REEP5: variants seen among roughly 807,000 people sequenced by gnomAD.
REEP5 encodes receptor accessory protein 5, also known as receptor expression-enhancing protein 5.
A neutral mutation model predicts 22.4 loss-of-function variants in REEP5; 24 were observed. That is an observed-to-expected ratio of 1.07 (90% CI 0.78 to 1.51). The LOEUF is 1.51. REEP5 is among the 40% of genes most tolerant of loss of function. REEP5 has a pLI of 0.00. For synonymous variants in REEP5, 103 were observed against 88.6 expected, an observed-to-expected ratio of 1.16 and a Z score of -0.92; for missense variants, 252 against 233.0, an observed-to-expected ratio of 1.08 and a Z score of -0.53.
chr5:112,891,639 G>C, intron 3 of REEP5: 1 of 1,602,622 alleles, frequency 6.2e-7, no homozygotes, highest in Non-Finnish European at 8.5e-7. Context: ...GTGCTGGCAA[G>C]ATGGCTGCAC....
intron 3 of REEP5, among the ~76,000 whole-genome samples, chr5:112,899,944 T>C (rs1217419926): frequency 6.6e-6 from 1 of 152,194 alleles, no homozygotes; most frequent in African/African-American, 2.4e-5. Flanking sequence ...CTCAAAAAGT[T>C]TGGGGTTTTA....
chr5:112,878,852 AG>A lies in REEP5; in HGVS notation c.521-18del. 6.2e-7 allele frequency: 1 copy of A among 1,613,846 alleles called. No homozygotes were observed. The highest frequency in any genetic ancestry group is 8.5e-7 in the Non-Finnish European group (1 of 1,179,944). On this transcript the variant is annotated intron_variant, in intron 4 of 4. Transcript: ENST00000379638. ...CTTTCTTCGCTGTTTGTTTGTTAGG[AG>A]GGAAAGAAAAATATATCAAAGCTCT...
At chr5:112,900,864 G>A (rs899105153) in intron 3 of REEP5, among the ~76,000 whole-genome samples, 1 of 151,108 alleles carries the variant, frequency 6.6e-6, no homozygotes, top group Non-Finnish European at 1.5e-5. Flanking sequence ...TAGAGATGGA[G>A]TCTGGCTCTG....
At chr5:112,905,228 G>A (rs923787165) in intron 2 of REEP5, among the ~76,000 whole-genome samples, 7 of 152,126 alleles carry the variant, frequency 4.6e-5, no homozygotes, top group African/African-American at 1.7e-4. Flanking sequence ...GTCATGGTGA[G>A]AGAAGAAAAA....
At chr5:112,904,409 T>A (rs1768910605) in intron 2 of REEP5, among the ~76,000 whole-genome samples, 1 of 152,200 alleles carries the variant, frequency 6.6e-6, no homozygotes, top group Non-Finnish European at 1.5e-5. Context: ...TAATAAAAAT[T>A]TGTTTCCTGT....
chr5:112,921,188 C>G lies in REEP5; in HGVS notation c.187G>C (p.Gly63Arg), dbSNP rs1463700401. The change falls in exon 2 of 5, where the codon GGA (glycine) becomes CGA (arginine). Residue 63 changes from glycine to arginine, a missense_variant. Gly to Arg is a moderately radical substitution (Grantham distance 125). Coordinates refer to ENST00000379638, the MANE Select transcript of REEP5 (RefSeq NM_005669.5). ...YGASLLCNLI[G>R]FGYPAYISIK... The stretch of plus-strand genomic sequence containing the variant: ...GAGATGTAGGCTGGGTAGCCAAATC[C>G]TATCAGGTTGCAGAGGAGAGAGGCT... 2 of 1,614,142 alleles carry G rather than the reference C, an allele frequency of 1.2e-6. No individual in the cohort carries two copies. The highest frequency in any genetic ancestry group is 1.7e-6 in the Non-Finnish European group (2 of 1,180,020).
At chr5:112,901,458 C>T (rs1241084476) in intron 3 of REEP5, among the ~76,000 whole-genome samples, 2 of 151,984 alleles carry the variant, frequency 1.3e-5, no homozygotes, top group African/African-American at 4.8e-5. Context: ...CCTGTAATCC[C>T]AGCACTTTGG....
intron 3 of REEP5, chr5:112,894,115 G>GTTT (rs1365099008): frequency 1.7e-5 from 2 of 117,898 alleles, no homozygotes; most frequent in Admixed American, 7.8e-5. Flanking sequence ...TGTTTTTTTG[G>GTTT]TTTTTTTTGT....
chr5:112,921,713 C>T (rs1769373816), intron 1 of REEP5: 2 of 237,644 alleles, frequency 8.4e-6, no homozygotes, highest in Admixed American at 5.9e-5. Flanking sequence ...CGGGTAGGAC[C>T]GGGTACCTCC....
intron 3 of REEP5, among the ~76,000 whole-genome samples, chr5:112,900,741 C>CTG (rs1561655066): frequency 6.6e-6 from 1 of 152,138 alleles, no homozygotes; most frequent in Non-Finnish European, 1.5e-5. Flanking sequence ...CTAGCATGGA[C>CTG]TGGGGCCCCC....
At chr5:112,898,707 T>C (rs1768768781) in intron 3 of REEP5, among the ~76,000 whole-genome samples, 1 of 152,226 alleles carries the variant, frequency 6.6e-6, no homozygotes, top group African/African-American at 2.4e-5. Flanking sequence ...GTGAGGTCCC[T>C]ACGATTAGAT....
chr5:112,893,027 G>A (rs1350174571), intron 3 of REEP5: 16 of 1,521,032 alleles, frequency 1.1e-5, no homozygotes, highest in Non-Finnish European at 1.5e-5. Context: ...AGTCGTGGGA[G>A]GAGGAAGTCG....
At chr5:112,908,114 T>G (rs1361594821) in intron 2 of REEP5, among the ~76,000 whole-genome samples, 3 of 149,646 alleles carry the variant, frequency 2.0e-5, no homozygotes, top group African/African-American at 7.4e-5. Context: ...TTTTTTTTTT[T>G]TTTTTGATGG....
chr5:112,882,666 T>A (rs992335952), intron 4 of REEP5, among the ~76,000 whole-genome samples: 6 of 152,228 alleles, frequency 3.9e-5, no homozygotes, highest in African/African-American at 1.4e-4. Flanking sequence ...AACTCGCTTA[T>A]GTAGTGTCCA....
At chr5:112,880,662 C>A (rs572465811) in intron 4 of REEP5, among the ~76,000 whole-genome samples, 1 of 152,328 alleles carries the variant, frequency 6.6e-6, no homozygotes, top group Non-Finnish European at 1.5e-5. Flanking sequence ...TATTTTAATT[C>A]TCTTGCCCCT....
intron 2 of REEP5, among the ~76,000 whole-genome samples, chr5:112,914,048 G>A (rs1282715759): frequency 6.6e-6 from 1 of 151,460 alleles, no homozygotes; most frequent in Non-Finnish European, 1.5e-5. Flanking sequence ...AAGCTGAAGT[G>A]GGAGAATCAC....
intron 3 of REEP5, chr5:112,895,895 TCAGA>T (rs1259224498): frequency 6.6e-6 from 1 of 152,166 alleles, no homozygotes; most frequent in Non-Finnish European, 1.5e-5. Flanking sequence ...TGCCTGCAGT[TCAGA>T]CAGAGTCCAT....
intron 2 of REEP5, 56 bp downstream of exon 2, chr5:112,921,107 C>A (rs1265355796): frequency 6.5e-7 from 1 of 1,541,452 alleles, no homozygotes; most frequent in Non-Finnish European, 8.9e-7. Flanking sequence ...ACTGCAGCAG[C>A]CCTGCGGGGA....
intron 4 of REEP5, among the ~76,000 whole-genome samples, chr5:112,880,060 T>G (rs1272707332): frequency 2.6e-5 from 4 of 152,144 alleles, no homozygotes; most frequent in African/African-American, 9.7e-5. Context: ...TTCTCTCCTA[T>G]GATGAGAAGA....
Sources: gnomAD v4.1 joint callset for allele counts (sites outside exome capture counted in the v4.1 genomes callset) on GRCh38, gnomAD v4.1.1 for gene constraint, MANE v1.5 for transcripts, NCBI Gene and HGNC (gene_info 2026-07-23, HGNC 2026-07-21) for gene names.